The following MLNR variants were observed in gnomAD, a reference collection of about 807,000 sequenced individuals.
The protein encoded by MLNR is G protein-coupled receptor 38.
A neutral mutation model predicts 20.0 loss-of-function variants in MLNR; 16 were observed. The ratio of observed to expected loss-of-function variants is 0.80; its 90% confidence interval spans 0.54 to 1.22. The LOEUF (loss-of-function observed/expected upper bound fraction) is 1.22, where lower values mean the gene tolerates loss of function less well. Among genes scored for constraint, MLNR ranks in the 50% most tolerant of loss-of-function variants. The pLI, the probability that MLNR is intolerant of heterozygous loss-of-function variation, is 0.00. For missense variants in MLNR, 630 were observed against 592.3 expected (o/e 1.06, Z -0.66); for synonymous variants, 302 against 287.2 (o/e 1.05, Z -0.52).
In MLNR at chr13:49,220,834, C is replaced by A; in HGVS notation, c.497C>A (p.Ala166Glu). The A allele has an allele frequency of 6.4e-7, 1 of 1,570,504 alleles. No individual in the cohort carries two copies. The highest frequency in any genetic ancestry group is 8.6e-7 in the Non-Finnish European group (1 of 1,160,030). ...RALIAVLWAV[A>E]LLSAGPFLFL... Reference sequence around the variant, plus strand: ...CTCATCGCTGTGCTCTGGGCCGTGGCGCTGCTCTCTGCCGGTCCCTTCTTG... The same window carrying A: ...CTCATCGCTGTGCTCTGGGCCGTGGAGCTGCTCTCTGCCGGTCCCTTCTTG... Residue 166 changes from alanine to glutamate, a missense_variant, in exon 1 of 2, where the codon GCG becomes GAG. Ala to Glu is a moderately radical substitution (Grantham distance 107). Transcript: ENST00000218721. The surrounding 1 kb of genome is among the most constrained non-coding windows in gnomAD (Gnocchi z 4.4).
Position 49,222,024 on chromosome 13 carries a change from G to C in MLNR, c.902-16G>C. On this transcript the variant is annotated splice_polypyrimidine_tract_variant and intron_variant, in intron 1 of 1. Coordinates refer to ENST00000218721, the MANE Select transcript of MLNR (RefSeq NM_001507.1). ...CAATGCTTTTGTTAATCCCGGTGCT[G>C]TGTCTTATGTTGCAGTGGTGGTGGT... 6.2e-7 allele frequency: 1 copy of C among 1,605,892 alleles called. No individual in the cohort carries two copies. Among genetic ancestry groups the C allele is most frequent in the South Asian group, 1.1e-5 (1 of 90,224 alleles).
At position 49,221,254 on chromosome 13, in the gene MLNR, G is replaced by A. The variant is rs747747480; in HGVS notation, c.901+16G>A. On this transcript the variant is annotated intron_variant, in intron 1 of 1. Coordinates refer to ENST00000218721, the MANE Select transcript of MLNR (RefSeq NM_001507.1). Reference sequence around the variant, plus strand: ...CGCGTCCTGCGTAAGTGGAGCCGCCGTGGTTCCAAAGACGCCTGCCTGCAG... The same window carrying A: ...CGCGTCCTGCGTAAGTGGAGCCGCCATGGTTCCAAAGACGCCTGCCTGCAG... The A allele has an allele frequency of 1.9e-6, 3 of 1,554,528 alleles. No homozygotes were observed. Among genetic ancestry groups the A allele is most frequent in the Non-Finnish European group, 1.7e-6 (2 of 1,157,988 alleles).
chr13:49,221,931 T>C, intron 1 of MLNR, 109 bp from the exon 2 acceptor site: 1 of 1,015,456 alleles, frequency 9.8e-7, no homozygotes, highest in Non-Finnish European at 1.5e-6. Flanking sequence ...AAGTTTTCTC[T>C]AATTTATTTT....
Position 49,220,797 on chromosome 13 carries a change from C to A in MLNR, c.460C>A (p.Arg154Ser). The change falls in exon 1 of 2, where the codon CGC (arginine) becomes AGC (serine). Residue 154 changes from arginine (R) to serine (S), a missense_variant. Coordinates refer to ENST00000218721, the MANE Select transcript of MLNR (RefSeq NM_001507.1). This position sits in a 1 kb window ranked among gnomAD's most constrained non-coding sequence, Gnocchi z 4.4. ...CGCCCGCGTCTTGGTCACCCGGCGC[C>A]GCGTCCGCGCGCTCATCGCTGTGCT... is the stretch of plus-strand genomic sequence containing the variant. ...LRARVLVTRR[R>S]VRALIAVLWA... 2 of 1,565,880 alleles carry A rather than the reference C, an allele frequency of 1.3e-6. No homozygotes were observed. Among genetic ancestry groups the A allele is most frequent in the Non-Finnish European group, 1.7e-6 (2 of 1,156,814 alleles).
In MLNR at chr13:49,222,114, G is replaced by T. The variant is rs1887020525; in HGVS notation, c.976G>T (p.Asp326Tyr). The change falls in exon 2 of 2, where the codon GAT becomes TAT. Residue 326 changes from aspartate to tyrosine, a missense_variant. Transcript: ENST00000218721. ...VGRIIYINTE[D>Y]SRMMYFSQYF... is the part of the protein sequence containing the mutation. ...CAGAATCATTTACATAAACACGGAA[G>T]ATTCGCGGATGATGTACTTCTCTCA... is the stretch of plus-strand genomic sequence containing the variant. 6.2e-7 allele frequency: 1 copy of T among 1,614,046 alleles called. No individual in the cohort carries two copies. Among genetic ancestry groups the T allele is most frequent in the Admixed American group, 1.7e-5 (1 of 60,014 alleles).
chr13:49,221,288 G>A, intron 1 of MLNR, 50 bp downstream of exon 1: 1 of 1,524,324 alleles, frequency 6.6e-7, no homozygotes, highest in South Asian at 1.2e-5. Context: ...AGTCCGCCCC[G>A]CCGGGGACCG....
chr13:49,221,063 G>T lies in MLNR; in HGVS notation c.726G>T (p.Leu242=). The change falls in exon 1 of 2, where the codon CTG becomes CTT. Residue 242 remains leucine (L), a synonymous_variant. Transcript: ENST00000218721. The stretch of plus-strand genomic sequence containing the variant: ...AATGCCGGCCGAGCCCCGCGCAGCT[G>T]GGCGCGCTGCGTGTCATGCTGTGGG... The part of the protein sequence containing the change: ...SRECRPSPAQ[L]GALRVMLWVT... The T allele has an allele frequency of 6.3e-7, 1 of 1,578,238 alleles. No homozygotes were observed. The highest frequency in any genetic ancestry group is 8.5e-7 in the Non-Finnish European group (1 of 1,171,896).
chr13:49,222,091 G>A lies in MLNR; in HGVS notation c.953G>A (p.Arg318Lys). The A allele has an allele frequency of 6.2e-7, 1 of 1,614,200 alleles. No homozygotes were observed. Among genetic ancestry groups the A allele is most frequent in the Non-Finnish European group, 8.5e-7 (1 of 1,180,044 alleles). ...IICWLPFHVGRIIYINTEDSR... is the reference protein window; with the variant it reads ...IICWLPFHVGKIIYINTEDSR... ...TGCTGGTTGCCCTTCCACGTTGGCA[G>A]AATCATTTACATAAACACGGAAGAT... The change falls in exon 2 of 2, where the codon AGA becomes AAA. Residue 318 changes from arginine (R) to lysine (K), a missense_variant. Physicochemically the swap from Arg to Lys is conservative, Grantham distance 26 (BLOSUM62 2). Transcript: ENST00000218721.
chr13:49,220,914 G>A lies in MLNR; in HGVS notation c.577G>A (p.Gly193Ser). Residue 193 changes from glycine (G) to serine (S), a missense_variant, in exon 1 of 2, where the codon GGC becomes AGC. Transcript: ENST00000218721. This position sits in a 1 kb window ranked among gnomAD's most constrained non-coding sequence, Gnocchi z 4.4. ...CATCTCCGTAGTCCCGGGCCTCAATGGCACCGCGCGGATCGCCTCCTCGCC... is the reference window on the plus strand; with the variant it reads ...CATCTCCGTAGTCCCGGGCCTCAATAGCACCGCGCGGATCGCCTCCTCGCC... ...PGISVVPGLN[G>S]TARIASSPLA... 1 of 1,549,134 alleles carries A rather than the reference G, an allele frequency of 6.5e-7. No individual in the cohort carries two copies.
At position 49,222,184 on chromosome 13, in the gene MLNR, C is replaced by T; in HGVS notation, c.1046C>T (p.Ser349Phe). ...CTGCAACTTTTCTATCTGAGCGCAT[C>T]TATCAACCCAATCCTCTACAACCTC... ...VALQLFYLSA[S>F]INPILYNLIS... The change falls in exon 2 of 2, where the codon TCT becomes TTT. Residue 349 changes from serine (S) to phenylalanine (F), a missense_variant. Ser to Phe is a radical substitution (Grantham distance 155, BLOSUM62 -2). Coordinates refer to ENST00000218721, the MANE Select transcript of MLNR (RefSeq NM_001507.1). The T allele has an allele frequency of 1.2e-6, 2 of 1,614,138 alleles. No individual in the cohort carries two copies. The highest frequency in any genetic ancestry group is 1.1e-5 in the South Asian group (1 of 91,080).
rs1050069169 is a variant in MLNR, at chr13:49,221,202, C to T, written c.865C>T (p.Arg289Trp). 25 of 1,587,304 alleles carry T rather than the reference C, an allele frequency of 1.6e-5. No individual in the cohort carries two copies. Among genetic ancestry groups the T allele is most frequent in the Non-Finnish European group, 1.9e-5 (22 of 1,174,926 alleles). ...RPLRGPAASG[R>W]ERGHRQTVRV... is the part of the protein sequence containing the mutation. ...GCTGCGAGGCCCGGCCGCCTCGGGG[C>T]GGGAGAGAGGCCACCGGCAGACCGT... The change falls in exon 1 of 2, where the codon CGG becomes TGG. Residue 289 changes from arginine (R) to tryptophan (W), a missense_variant. By Grantham distance (101) the Arg-to-Trp change is moderately radical (BLOSUM62 -3). Coordinates refer to ENST00000218721, the MANE Select transcript of MLNR (RefSeq NM_001507.1).
At position 49,221,147 on chromosome 13, in the gene MLNR, C is replaced by T; in HGVS notation, c.810C>T (p.Ile270=). Residue 270 remains isoleucine, a synonymous_variant, in exon 1 of 2, where the codon ATC becomes ATT. Transcript: ENST00000218721. ...GCCTCAGCATCCTCTACGGGCTCAT[C>T]GGGCGGGAGCTGTGGAGCAGCCGGC... ...FLCLSILYGL[I]GRELWSSRRP... 1.3e-6 allele frequency: 2 copies of T among 1,591,240 alleles called. No homozygotes were observed. The highest frequency in any genetic ancestry group is 8.5e-7 in the Non-Finnish European group (1 of 1,177,026).
At position 49,220,783 on chromosome 13, in the gene MLNR, T is replaced by G. The variant is rs1379840969; in HGVS notation, c.446T>G (p.Leu149Trp). 1 of 1,566,560 alleles carries G rather than the reference T, an allele frequency of 6.4e-7. No individual in the cohort carries two copies. Among genetic ancestry groups the G allele is most frequent in the Non-Finnish European group, 8.6e-7 (1 of 1,156,888 alleles). ...TGCCGCCCGCTCCGCGCCCGCGTCT[T>G]GGTCACCCGGCGCCGCGTCCGCGCG... The part of the protein sequence containing the change: ...AICRPLRARV[L>W]VTRRRVRALI... Residue 149 changes from leucine to tryptophan, a missense_variant, in exon 1 of 2, where the codon TTG becomes TGG. Coordinates refer to ENST00000218721, the MANE Select transcript of MLNR (RefSeq NM_001507.1). The surrounding 1 kb of genome is among the most constrained non-coding windows in gnomAD (Gnocchi z 4.4).
chr13:49,221,276 G>A, intron 1 of MLNR, 38 bp downstream of exon 1: 1 of 1,538,096 alleles, frequency 6.5e-7, no homozygotes, highest in Non-Finnish European at 8.7e-7. Flanking sequence ...ACGCCTGCCT[G>A]CAGTCCGCCC....
chr13:49,221,985 G>C (rs1350849989), intron 1 of MLNR, 55 bp from the exon 2 acceptor site: 1 of 1,496,568 alleles, frequency 6.7e-7, no homozygotes, highest in Non-Finnish European at 9.2e-7. Flanking sequence ...GGGGTGGGGG[G>C]TTTATTTGCT....
chr13:49,221,442 G>A (rs749086615), intron 1 of MLNR: 98 of 600,130 alleles, frequency 1.6e-4, no homozygotes, highest in Non-Finnish European at 4.9e-5. Flanking sequence ...AGCTCTGGGG[G>A]ACCCCAGGGC....
rs1344400971 is a variant in MLNR, at chr13:49,220,766, G to A, written c.429G>A (p.Pro143=). The A allele has an allele frequency of 1.9e-6, 3 of 1,568,236 alleles. No individual in the cohort carries two copies. Among genetic ancestry groups the A allele is most frequent in the South Asian group, 2.3e-5 (2 of 86,220 alleles). ...AGCGCTACCTGGCCATCTGCCGCCC[G>A]CTCCGCGCCCGCGTCTTGGTCACCC... is the stretch of plus-strand genomic sequence containing the variant. ...SVERYLAICR[P]LRARVLVTRR... is the part of the protein sequence containing the mutation. Residue 143 remains proline, a synonymous_variant, in exon 1 of 2, where the codon CCG becomes CCA. Coordinates refer to ENST00000218721, the MANE Select transcript of MLNR (RefSeq NM_001507.1). This position sits in a 1 kb window ranked among gnomAD's most constrained non-coding sequence, Gnocchi z 4.4.
In MLNR at chr13:49,220,569, G is replaced by C; in HGVS notation, c.232G>C (p.Gly78Arg). Residue 78 changes from glycine to arginine, a missense_variant, in exon 1 of 2, where the codon GGC becomes CGC. By Grantham distance (125) the Gly-to-Arg change is moderately radical (BLOSUM62 -2). Transcript: ENST00000218721. This position sits in a 1 kb window ranked among gnomAD's most constrained non-coding sequence, Gnocchi z 4.4. ...GCGGACCACCACCAACTTGTACCTG[G>C]GCAGCATGGCCGTGTCCGACCTACT... ...DMRTTTNLYLGSMAVSDLLIL... is the reference protein window; with the variant it reads ...DMRTTTNLYLRSMAVSDLLIL... The C allele has an allele frequency of 6.2e-7, 1 of 1,613,348 alleles. No individual in the cohort carries two copies. The highest frequency in any genetic ancestry group is 8.5e-7 in the Non-Finnish European group (1 of 1,179,706).
intron 1 of MLNR, 51 bp downstream of exon 1, chr13:49,221,289 C>A (rs1403743457): frequency 6.6e-7 from 1 of 1,524,698 alleles, no homozygotes; most frequent in African/African-American, 1.4e-5. Flanking sequence ...GTCCGCCCCG[C>A]CGGGGACCGC....
Sources: allele counts gnomAD v4.1 joint callset, GRCh38; gene constraint gnomAD v4.1.1; non-coding constraint Gnocchi (gnomAD v3.1); transcripts MANE v1.5; gene names NCBI Gene and HGNC (gene_info 2026-07-23, HGNC 2026-07-21).